The following NALCN variants were observed in gnomAD, a reference collection of about 807,000 sequenced individuals.
The protein encoded by NALCN is sodium leak channel NALCN.
A neutral mutation model predicts 225.3 loss-of-function variants in NALCN; 111 were observed. The ratio of observed to expected loss-of-function variants is 0.49; its 90% confidence interval spans 0.42 to 0.58. NALCN has a LOEUF of 0.58. Ranked by LOEUF, NALCN falls within the 20% of genes least tolerant of loss-of-function variation. The pLI is 0.00. For missense variants in NALCN, 1,378 were observed against 2,202.4 expected (o/e 0.63, Z 7.49); for synonymous variants, 764 against 769.0 (o/e 0.99, Z 0.11).
chr13:101,205,295 T>C (rs1218445760), intron 13 of NALCN, among the ~76,000 whole-genome samples: 1 of 152,134 alleles, frequency 6.6e-6, no homozygotes, highest in African/African-American at 2.4e-5. Flanking sequence ...TTTGCTAAAA[T>C]AAGCTCTACT....
At chr13:101,181,663 G>A (rs1413163050) in intron 14 of NALCN, among the ~76,000 whole-genome samples, 1 of 151,950 alleles carries the variant, frequency 6.6e-6, no homozygotes, top group Admixed American at 6.5e-5. Flanking sequence ...GATTTCTTGA[G>A]CCTGGGAGGT....
intron 11 of NALCN, among the ~76,000 whole-genome samples, chr13:101,254,127 A>G (rs544833982): frequency 6.6e-6 from 1 of 152,150 alleles, no homozygotes; most frequent in Non-Finnish European, 1.5e-5. Flanking sequence ...TCACGCCTGT[A>G]ATTCCAGCAC....
intron 39 of NALCN, among the ~76,000 whole-genome samples, chr13:101,066,218 TG>T (rs914116595): frequency 1.7e-4 from 25 of 149,966 alleles, no homozygotes; most frequent in Non-Finnish European, 2.7e-4. Context: ...CCCAGCTATT[TG>T]GGAGGCTGAG....
At chr13:101,415,337 C>A (rs1046069844) in intron 1 of NALCN, among the ~76,000 whole-genome samples, 1 of 151,986 alleles carries the variant, frequency 6.6e-6, no homozygotes, top group African/African-American at 2.4e-5. Flanking sequence ...CATTTCACCA[C>A]CAGGGCAGTC....
At chr13:101,325,525 C>G (rs2044918253) in intron 7 of NALCN, among the ~76,000 whole-genome samples, 1 of 152,206 alleles carries the variant, frequency 6.6e-6, no homozygotes. Context: ...AGACTTTCTT[C>G]CCAGGTCCCA....
At chr13:101,338,856 G>C (rs564737252) in intron 7 of NALCN, among the ~76,000 whole-genome samples, 24 of 152,208 alleles carry the variant, frequency 1.6e-4, no homozygotes, top group Non-Finnish European at 3.1e-4. Context: ...CAGCAAGTAT[G>C]GTGGACATCT....
chr13:101,188,555 T>C (rs557441867), intron 14 of NALCN, among the ~76,000 whole-genome samples: 62 of 151,766 alleles, frequency 4.1e-4, no homozygotes, highest in African/African-American at 1.5e-3. Context: ...ACTATATGTA[T>C]ACATATATAT....
At chr13:101,096,469 A>G (rs979049833) in intron 27 of NALCN, among the ~76,000 whole-genome samples, 11 of 152,222 alleles carry the variant, frequency 7.2e-5, no homozygotes, top group Admixed American at 1.3e-4. Context: ...AAAAAGTCAC[A>G]AAAGACCATA....
chr13:101,136,210 C>T (rs190247415), intron 17 of NALCN, among the ~76,000 whole-genome samples: 146 of 152,276 alleles, frequency 9.6e-4, no homozygotes, highest in Middle Eastern at 3.4e-3. Flanking sequence ...CTCACACACA[C>T]AGATATTTGG....
chr13:101,414,052 ATT>A (rs34061768), intron 1 of NALCN, among the ~76,000 whole-genome samples: 1 of 147,552 alleles, frequency 6.8e-6, no homozygotes, highest in African/African-American at 2.5e-5. Context: ...CACTTGGTGA[ATT>A]TTTTTTTTTT....
At chr13:101,080,054 A>G (rs2033524668) in intron 34 of NALCN, among the ~76,000 whole-genome samples, 1 of 152,232 alleles carries the variant, frequency 6.6e-6, no homozygotes, top group Middle Eastern at 3.2e-3. Flanking sequence ...GGCTTGTATA[A>G]TCTTTCTAGT....
intron 18 of NALCN, among the ~76,000 whole-genome samples, chr13:101,115,369 T>A (rs1207250763): frequency 1.3e-5 from 2 of 152,184 alleles, no homozygotes; most frequent in African/African-American, 4.8e-5. Flanking sequence ...CAGAGCAGGC[T>A]GTAGCAGGTG....
intron 38 of NALCN, among the ~76,000 whole-genome samples, chr13:101,068,237 G>A (rs1316881636): frequency 1.3e-5 from 2 of 152,124 alleles, no homozygotes; most frequent in African/African-American, 4.8e-5. Context: ...TCCAAAACAT[G>A]AGGGTCGTAA....
chr13:101,229,255 T>A (rs1393105359), intron 13 of NALCN, 138 bp downstream of exon 13: 1 of 812,598 alleles, frequency 1.2e-6, no homozygotes, highest in Non-Finnish European at 1.8e-6. Context: ...CAATTTTAAA[T>A]ATTAAAATCT....
chr13:101,309,544 T>G (rs1166991187), intron 7 of NALCN, among the ~76,000 whole-genome samples: 1 of 152,216 alleles, frequency 6.6e-6, no homozygotes, highest in Admixed American at 6.5e-5. Context: ...CATATTCATT[T>G]TGTCTATTGG....
rs181953790 is a variant in NALCN at position 101,069,946 on chromosome 13, G to A, written c.4198-1119C>T. On this transcript the variant is annotated intron_variant, in intron 37 of 43. Transcript: ENST00000251127. ...TATTTCTACCAACCACATGTGCAGC[G>A]ACCTCCTTCACTGAAGTCTTGAACC... 1.6e-3 allele frequency among the ~76,000 whole-genome samples: 249 copies of A among 151,832 alleles called. 1 individual carries two copies. Among genetic ancestry groups the A allele is most frequent in the African/African-American group, 5.8e-3 (238 of 41,386 alleles).
At chr13:101,374,395 C>T (rs1594757188) in intron 6 of NALCN, among the ~76,000 whole-genome samples, 1 of 145,728 alleles carries the variant, frequency 6.9e-6, no homozygotes, top group East Asian at 2.0e-4. Flanking sequence ...CTTGTCTCAG[C>T]CTCCCGATCA....
At chr13:101,120,477 A>AT (rs2035919673) in intron 18 of NALCN, among the ~76,000 whole-genome samples, 1 of 150,750 alleles carries the variant, frequency 6.6e-6, no homozygotes, top group African/African-American at 2.4e-5. Flanking sequence ...ATTCATTAGG[A>AT]TTTTTTGTGA....
intron 10 of NALCN, among the ~76,000 whole-genome samples, chr13:101,279,836 A>AAATAAATAAATAAATAAATAAAT (rs547147370): frequency 7.5e-6 from 1 of 134,048 alleles, no homozygotes; most frequent in Non-Finnish European, 1.6e-5. Flanking sequence ...ATAAATAAAT[A>AAATAAATAAATAAATAAATAAAT]AAATAAATAA....
Sources: allele counts gnomAD v4.1 joint callset (sites outside exome capture counted in the v4.1 genomes callset), GRCh38; gene constraint gnomAD v4.1.1; transcripts MANE v1.5; gene names NCBI Gene and HGNC (gene_info 2026-07-23, HGNC 2026-07-21).